The following CACNB4 variants were observed in gnomAD, a reference collection of about 807,000 sequenced individuals.
CACNB4 encodes the protein voltage-dependent L-type calcium channel subunit beta-4.
A neutral mutation model predicts 71.2 loss-of-function variants in CACNB4; 32 were observed. The ratio of observed to expected loss-of-function variants is 0.45; its 90% confidence interval spans 0.34 to 0.60. The LOEUF is 0.60. Ranked by LOEUF, CACNB4 falls within the 20% of genes least tolerant of loss-of-function variation. The pLI is 0.01. For synonymous variants in CACNB4, 231 were observed against 236.9 expected, an observed-to-expected ratio of 0.97 and a Z score of 0.23; for missense variants, 464 against 647.9, an observed-to-expected ratio of 0.72 and a Z score of 3.08.
At chr2:151,876,635 G>T (rs1333328948) in intron 4 of CACNB4, 79 bp from the exon 5 acceptor site, 2 of 893,904 alleles carry the variant, frequency 2.2e-6, no homozygotes, top group Non-Finnish European at 1.7e-6. Flanking sequence ...GGGACAAGAA[G>T]AATAAAATGC....
chr2:152,041,608 G>A (rs1195114747), intron 2 of CACNB4, among the ~76,000 whole-genome samples: 1 of 152,146 alleles, frequency 6.6e-6, no homozygotes, highest in African/African-American at 2.4e-5. Context: ...CACAGAAACT[G>A]CAGGAAGAAA....
intron 2 of CACNB4, among the ~76,000 whole-genome samples, chr2:152,016,730 G>A (rs1484802954): frequency 6.6e-6 from 1 of 152,228 alleles, no homozygotes. Flanking sequence ...ATGTGGCTAG[G>A]AGGATATCTT....
At chr2:151,978,822 A>G (rs896048224) in intron 2 of CACNB4, among the ~76,000 whole-genome samples, 1 of 152,068 alleles carries the variant, frequency 6.6e-6, no homozygotes, top group Admixed American at 6.5e-5. Flanking sequence ...GCCAGAGCTG[A>G]GCCCAGCCTC....
chr2:152,034,745 T>C (rs1413055593), intron 2 of CACNB4, among the ~76,000 whole-genome samples: 2 of 152,150 alleles, frequency 1.3e-5, no homozygotes, highest in Non-Finnish European at 2.9e-5. Flanking sequence ...ACCCCCACAG[T>C]GCTCTTTTAA....
At chr2:151,992,790 T>C (rs1681783521) in intron 2 of CACNB4, among the ~76,000 whole-genome samples, 1 of 152,218 alleles carries the variant, frequency 6.6e-6, no homozygotes, top group Non-Finnish European at 1.5e-5. Flanking sequence ...AACTTGATGC[T>C]ATGAGCACTT....
At chr2:152,070,185 T>A (rs993324420) in intron 2 of CACNB4, among the ~76,000 whole-genome samples, 1 of 152,154 alleles carries the variant, frequency 6.6e-6, no homozygotes, top group Non-Finnish European at 1.5e-5. Flanking sequence ...GAATATGTCA[T>A]GACTTCACAA....
intron 2 of CACNB4, among the ~76,000 whole-genome samples, chr2:152,054,748 T>C (rs1685638129): frequency 6.6e-6 from 1 of 152,210 alleles, no homozygotes; most frequent in Non-Finnish European, 1.5e-5. Context: ...TCTGTCTTTT[T>C]TATTATAGCC....
intron 5 of CACNB4, among the ~76,000 whole-genome samples, chr2:151,875,674 G>A: frequency 1.3e-5 from 1 of 76,882 alleles, no homozygotes; most frequent in Non-Finnish European, 2.4e-5. Flanking sequence ...GTGGGGGGCT[G>A]ACCCCCCCAC....
intron 2 of CACNB4, among the ~76,000 whole-genome samples, chr2:151,921,203 A>G (rs1161973002): frequency 6.6e-6 from 1 of 150,976 alleles, no homozygotes; most frequent in Non-Finnish European, 1.5e-5. Flanking sequence ...AAAACACCTT[A>G]CTTGATTGGT....
rs1399548114 is a variant in CACNB4 at position 151,882,888 on chromosome 2, G to A, written c.267+363C>T. The A allele has an allele frequency of 3.0e-5, 10 of 333,518 alleles. No homozygotes were observed. The East Asian group carries it at 4.6e-4, about 15-fold the overall frequency. 20.7% of individuals were successfully genotyped at this position (333,518 alleles called of 1,614,324 possible). On this transcript the variant is annotated intron_variant, in intron 3 of 13. Coordinates refer to ENST00000539935, the MANE Select transcript of CACNB4 (RefSeq NM_000726.5). ...GGCGATCCACAGAACAACAGCACACGTGTGGCCTGTAATAAAGGCTGAAGT... is the reference window on the plus strand; with the variant it reads ...GGCGATCCACAGAACAACAGCACACATGTGGCCTGTAATAAAGGCTGAAGT...
chr2:152,058,660 G>T (rs555048754), intron 2 of CACNB4, among the ~76,000 whole-genome samples: 1 of 152,358 alleles, frequency 6.6e-6, no homozygotes, highest in African/African-American at 2.4e-5. Flanking sequence ...TGGAAAATTT[G>T]CAGCCTGATG....
intron 2 of CACNB4, among the ~76,000 whole-genome samples, chr2:152,000,118 A>G (rs1579101808): frequency 6.6e-6 from 1 of 152,224 alleles, no homozygotes; most frequent in Non-Finnish European, 1.5e-5. Context: ...TTCAACAATG[A>G]TGCTCATTTG....
intron 2 of CACNB4, among the ~76,000 whole-genome samples, chr2:151,987,706 C>A (rs1177887567): frequency 3.9e-5 from 6 of 152,190 alleles, no homozygotes; most frequent in Non-Finnish European, 8.8e-5. Flanking sequence ...CCCTCCTCTT[C>A]ATTTTATTTT....
chr2:151,861,101 A>G (rs2099841525), intron 9 of CACNB4: 1 of 394,140 alleles, frequency 2.5e-6, no homozygotes, highest in South Asian at 3.7e-5. Context: ...CCTTTATAAT[A>G]TACACCACAC....
At chr2:151,997,017 GT>G in intron 2 of CACNB4, among the ~76,000 whole-genome samples, 1 of 152,246 alleles carries the variant, frequency 6.6e-6, no homozygotes, top group East Asian at 1.9e-4. Context: ...GGGCCAAGGG[GT>G]TTTTTCATTT....
intron 2 of CACNB4, among the ~76,000 whole-genome samples, chr2:152,069,612 T>C (rs1042017860): frequency 2.7e-5 from 4 of 149,394 alleles, no homozygotes; most frequent in African/African-American, 9.9e-5. Context: ...TAAATAAATA[T>C]AGAGACACAA....
At chr2:152,012,237 T>G (rs1683097036) in intron 2 of CACNB4, among the ~76,000 whole-genome samples, 1 of 151,914 alleles carries the variant, frequency 6.6e-6, no homozygotes, top group African/African-American at 2.4e-5. Flanking sequence ...TGCGAAAAGA[T>G]GTGGAGATGG....
At chr2:152,019,039 A>T (rs374002277) in intron 2 of CACNB4, among the ~76,000 whole-genome samples, 1 of 152,160 alleles carries the variant, frequency 6.6e-6, no homozygotes, top group African/African-American at 2.4e-5. Context: ...AGGGGAATTC[A>T]CACACCACAG....
chr2:151,901,410 G>T (rs1003444161), intron 2 of CACNB4, among the ~76,000 whole-genome samples: 4 of 152,162 alleles, frequency 2.6e-5, no homozygotes, highest in African/African-American at 9.7e-5. Flanking sequence ...TGTAGTAGAG[G>T]TGGGGAGGTT....
Sources: gnomAD v4.1 joint callset for allele counts (sites outside exome capture counted in the v4.1 genomes callset) on GRCh38, gnomAD v4.1.1 for gene constraint, MANE v1.5 for transcripts, NCBI Gene and HGNC (gene_info 2026-07-23, HGNC 2026-07-21) for gene names.